PLCB1: variants seen among roughly 807,000 people sequenced by gnomAD.
PLCB1 encodes the protein 1-phosphatidylinositol 4,5-bisphosphate phosphodiesterase beta-1.
A neutral mutation model predicts 161.8 loss-of-function variants in PLCB1; 46 were observed. That is an observed-to-expected ratio of 0.28 (90% CI 0.22 to 0.36). The LOEUF is 0.36. PLCB1 is among the 10% of genes least tolerant of loss of function. The probability of loss-of-function intolerance (pLI) is 1.00; values close to 1 mark genes in which losing one functional copy is unlikely to be tolerated. For synonymous variants in PLCB1, 517 were observed against 503.7 expected, an observed-to-expected ratio of 1.03 and a Z score of -0.35; for missense variants, 1,016 against 1,472.5, an observed-to-expected ratio of 0.69 and a Z score of 5.07.
chr20:8,626,875 C>A (rs757650064), intron 3 of PLCB1, among the ~76,000 whole-genome samples: 7 of 152,184 alleles, frequency 4.6e-5, no homozygotes, highest in Non-Finnish European at 1.0e-4. Flanking sequence ...GTTTAATTAG[C>A]CTTCACAAAA....
chr20:8,139,718 C>T (rs192280691), intron 1 of PLCB1, among the ~76,000 whole-genome samples: 92 of 152,230 alleles, frequency 6.0e-4, no homozygotes, highest in African/African-American at 2.0e-3. Flanking sequence ...AGCAATTGAT[C>T]TGGTCAAAAA....
chr20:8,884,214 A>G lies in PLCB1; in HGVS notation c.*2365A>G, dbSNP rs1357121878. 1.3e-5 allele frequency: 2 copies of G among 152,644 alleles called. No homozygotes were observed. Among genetic ancestry groups the G allele is most frequent in the Admixed American group, 1.3e-4 (2 of 15,274 alleles). The allele number at this position is 152,644 out of a possible 1,614,324, so 9.5% of individuals were successfully genotyped here. On this transcript the variant is annotated 3_prime_UTR_variant, in exon 32 of 32. Transcript: ENST00000338037. The stretch of plus-strand genomic sequence containing the variant: ...TAGTGTGTAACACTGTCCATCTTGC[A>G]TCATTGAAACTACTACAATGATACT...
chr20:8,563,821 A>G (rs979809665), intron 3 of PLCB1, among the ~76,000 whole-genome samples: 12 of 152,164 alleles, frequency 7.9e-5, no homozygotes, highest in African/African-American at 2.2e-4. Flanking sequence ...GAGAACTACA[A>G]ACCACTGCTC....
chr20:8,171,405 T>A (rs2051731886), intron 2 of PLCB1, among the ~76,000 whole-genome samples: 1 of 152,100 alleles, frequency 6.6e-6, no homozygotes, highest in Non-Finnish European at 1.5e-5. Flanking sequence ...TATGTTATGT[T>A]TTTTGTTGTT....
intron 3 of PLCB1, among the ~76,000 whole-genome samples, chr20:8,394,583 A>G (rs565247137): frequency 6.6e-6 from 1 of 152,298 alleles, no homozygotes; most frequent in African/African-American, 2.4e-5. Context: ...CTTCATCCAT[A>G]AAATGAAGTT....
intron 31 of PLCB1, among the ~76,000 whole-genome samples, chr20:8,841,992 C>T (rs188231459): frequency 4.4e-3 from 671 of 152,170 alleles, no homozygotes; most frequent in Non-Finnish European, 6.8e-3. Flanking sequence ...CATTGCCCAA[C>T]CCCTATTATA....
intron 31 of PLCB1, among the ~76,000 whole-genome samples, chr20:8,822,523 T>C (rs1056446914): frequency 6.6e-6 from 1 of 152,150 alleles, no homozygotes; most frequent in African/African-American, 2.4e-5. Flanking sequence ...AATAATTCTA[T>C]AGTGATACCT....
intron 3 of PLCB1, among the ~76,000 whole-genome samples, chr20:8,606,802 C>A (rs1231893418): frequency 6.6e-6 from 1 of 152,122 alleles, no homozygotes; most frequent in Non-Finnish European, 1.5e-5. Flanking sequence ...CCTTTATGAG[C>A]CCTAAACATT....
intron 26 of PLCB1, among the ~76,000 whole-genome samples, chr20:8,768,895 C>T (rs1479853699): frequency 1.3e-5 from 2 of 152,214 alleles, no homozygotes; most frequent in African/African-American, 4.8e-5. Flanking sequence ...TTAACTATCC[C>T]TAATGTTAGG....
intron 31 of PLCB1, among the ~76,000 whole-genome samples, chr20:8,827,835 C>T (rs6077429): frequency 0.29 from 43,859 of 152,048 alleles, 6,466 homozygotes; most frequent in Middle Eastern, 0.41. Context: ...GATTCAAATT[C>T]TAATGTCCTC....
chr20:8,442,035 G>A (rs1043091768), intron 3 of PLCB1, among the ~76,000 whole-genome samples: 1 of 152,086 alleles, frequency 6.6e-6, no homozygotes, highest in Non-Finnish European at 1.5e-5. Context: ...ATTGAATCTA[G>A]AATATAGAAA....
intron 2 of PLCB1, among the ~76,000 whole-genome samples, chr20:8,324,427 G>T (rs7268591): frequency 0.24 from 36,243 of 152,034 alleles, 4,591 homozygotes; most frequent in South Asian, 0.44. Context: ...AGAGTAGGTG[G>T]ATCATATTAG....
At chr20:8,738,699 A>AT (rs1038132918) in intron 20 of PLCB1, among the ~76,000 whole-genome samples, 3 of 152,188 alleles carry the variant, frequency 2.0e-5, no homozygotes, top group African/African-American at 7.2e-5. Flanking sequence ...AAAACAGCCT[A>AT]TTTTTTTAAC....
chr20:8,144,573 C>T (rs4816047), intron 1 of PLCB1, among the ~76,000 whole-genome samples: 59,865 of 152,006 alleles, frequency 0.39, 12,035 homozygotes, highest in Middle Eastern at 0.46. Flanking sequence ...AATGCTGATA[C>T]ACGTGGATGT....
intron 2 of PLCB1, among the ~76,000 whole-genome samples, chr20:8,258,139 A>G (rs1356558275): frequency 6.6e-6 from 1 of 152,216 alleles, no homozygotes; most frequent in East Asian, 1.9e-4. Flanking sequence ...TTTAAAAAGA[A>G]ACATTATATA....
chr20:8,273,974 T>C (rs1323988593), intron 2 of PLCB1, among the ~76,000 whole-genome samples: 1 of 152,194 alleles, frequency 6.6e-6, no homozygotes, highest in Non-Finnish European at 1.5e-5. Flanking sequence ...CATATGTTAA[T>C]ACTATTGAAA....
chr20:8,765,497 G>A, intron 26 of PLCB1, 139 bp downstream of exon 26: 2 of 639,408 alleles, frequency 3.1e-6, no homozygotes, highest in Admixed American at 3.1e-5. Context: ...AGCTTTTGTG[G>A]CACCTTAGCC....
intron 2 of PLCB1, among the ~76,000 whole-genome samples, chr20:8,186,087 C>T (rs6055613): frequency 0.38 from 58,056 of 151,912 alleles, 12,673 homozygotes; most frequent in African/African-American, 0.61. Flanking sequence ...GCTTTTGTTT[C>T]AGTGAATTTT....
At chr20:8,643,894 G>A (rs1989045545) in intron 4 of PLCB1, among the ~76,000 whole-genome samples, 1 of 152,052 alleles carries the variant, frequency 6.6e-6, no homozygotes, top group Non-Finnish European at 1.5e-5. Context: ...CAACCTCCCT[G>A]CCTGATTCTC....
Sources: gnomAD v4.1 joint callset for allele counts (sites outside exome capture counted in the v4.1 genomes callset) on GRCh38, gnomAD v4.1.1 for gene constraint, MANE v1.5 for transcripts, NCBI Gene and HGNC (gene_info 2026-07-23, HGNC 2026-07-21) for gene names.